KCNIP4: variants seen among roughly 807,000 people sequenced by gnomAD.
KCNIP4 encodes Kv channel-interacting protein 4.
In KCNIP4, 12 loss-of-function variants were observed where a neutral mutation model predicts 34.0. The observed-to-expected ratio is 0.35, with a 90% confidence interval of 0.23 to 0.57. The LOEUF is 0.57. Among genes scored for constraint, KCNIP4 ranks in the 20% least tolerant of loss-of-function variants. KCNIP4 has a pLI of 0.83. For missense variants in KCNIP4, 238 were observed against 311.7 expected (o/e 0.76, Z 1.78); for synonymous variants, 124 against 102.2 (o/e 1.21, Z -1.29).
intron 1 of KCNIP4, among the ~76,000 whole-genome samples, chr4:21,149,385 G>C (rs893145097): frequency 1.3e-5 from 2 of 152,066 alleles, no homozygotes; most frequent in African/African-American, 4.8e-5. Flanking sequence ...GTGGCTCCTG[G>C]AAAATGAATT....
intron 1 of KCNIP4, among the ~76,000 whole-genome samples, chr4:21,476,417 G>T (rs1730980789): frequency 6.6e-6 from 1 of 152,050 alleles, no homozygotes; most frequent in Middle Eastern, 3.2e-3. Flanking sequence ...ATAAAGATGG[G>T]GCCATAATCT....
chr4:21,501,263 C>T (rs2109889222), intron 1 of KCNIP4, among the ~76,000 whole-genome samples: 1 of 151,766 alleles, frequency 6.6e-6, no homozygotes, highest in East Asian at 2.0e-4. Context: ...CACACACACA[C>T]ACACACACAC....
chr4:21,909,269 C>T (rs899988532), intron 1 of KCNIP4, among the ~76,000 whole-genome samples: 10 of 152,184 alleles, frequency 6.6e-5, no homozygotes, highest in South Asian at 4.2e-4. Context: ...CTTATATTCC[C>T]GTGCCCCTCA....
At chr4:21,793,785 T>C (rs1416274028) in intron 1 of KCNIP4, among the ~76,000 whole-genome samples, 1 of 151,926 alleles carries the variant, frequency 6.6e-6, no homozygotes, top group African/African-American at 2.4e-5. Flanking sequence ...ACCACAGGGG[T>C]ATATACCCAA....
In KCNIP4 at chr4:20,883,392, T is replaced by A. The variant is rs534086051; in HGVS notation, c.62-683A>T. ...AGCTTGTCAAACATTAACCCAGGAA[T>A]AGACGGAGCAGTATGTGTGACAGCA... is the stretch of plus-strand genomic sequence containing the variant. On this transcript the variant is annotated intron_variant, in intron 1 of 8. Coordinates refer to ENST00000382152, the MANE Select transcript of KCNIP4 (RefSeq NM_025221.6). Among the ~76,000 whole-genome samples, 95 of 152,292 alleles carry A rather than the reference T, an allele frequency of 6.2e-4. 4 individuals are homozygous for A. In the South Asian group the frequency reaches 0.019, roughly 31 times the overall value.
At chr4:21,754,051 G>A (rs1257359029) in intron 1 of KCNIP4, among the ~76,000 whole-genome samples, 1 of 152,158 alleles carries the variant, frequency 6.6e-6, no homozygotes, top group Non-Finnish European at 1.5e-5. Context: ...CCTCCTTAGG[G>A]AGCTCGAATT....
chr4:21,400,738 G>A (rs187479481), intron 1 of KCNIP4, among the ~76,000 whole-genome samples: 2 of 152,206 alleles, frequency 1.3e-5, no homozygotes, highest in East Asian at 3.9e-4. Context: ...AATTCTATAA[G>A]GGTTGCATTC....
chr4:21,931,929 C>T lies in KCNIP4; in HGVS notation c.61+16642G>A, dbSNP rs143987519. On this transcript the variant is annotated intron_variant, in intron 1 of 8. Transcript: ENST00000382152. ...AAGTGTTCCTATTTCTCCACATCCT[C>T]TCCTTGTCTTTAGATGCCTGTAGGA... is the stretch of plus-strand genomic sequence containing the variant. Among the ~76,000 whole-genome samples the T allele has an allele frequency of 2.8e-3, 424 of 152,180 alleles. 2 individuals are homozygous for T. The highest frequency in any genetic ancestry group is 5.2e-3 in the Admixed American group (80 of 15,282).
intron 1 of KCNIP4, among the ~76,000 whole-genome samples, chr4:21,422,189 C>T (rs950064190): frequency 6.7e-6 from 1 of 149,630 alleles, no homozygotes; most frequent in African/African-American, 2.4e-5. Flanking sequence ...AAAATTTCTG[C>T]AGCCTACTTT....
chr4:21,844,184 A>G (rs919597072), intron 1 of KCNIP4: 8 of 152,096 alleles, frequency 5.3e-5, no homozygotes, highest in African/African-American at 1.9e-4. Flanking sequence ...GGACACATAT[A>G]CACAAGCAAT....
intron 1 of KCNIP4, among the ~76,000 whole-genome samples, chr4:21,146,883 T>C (rs1372817989): frequency 1.3e-5 from 2 of 152,186 alleles, no homozygotes; most frequent in African/African-American, 4.8e-5. Flanking sequence ...TTTCATTGTT[T>C]CTCATGGTTA....
intron 1 of KCNIP4, among the ~76,000 whole-genome samples, chr4:21,167,992 C>G (rs1219632784): frequency 6.6e-6 from 1 of 152,166 alleles, no homozygotes; most frequent in African/African-American, 2.4e-5. Context: ...ATCAAAGTGT[C>G]CTATCACTCT....
intron 1 of KCNIP4, among the ~76,000 whole-genome samples, chr4:20,946,381 C>T (rs1367048910): frequency 1.3e-5 from 2 of 152,056 alleles, no homozygotes; most frequent in East Asian, 1.9e-4. Flanking sequence ...TGGGGAGTTT[C>T]GAGAAACAGA....
chr4:21,731,141 C>A, intron 1 of KCNIP4, among the ~76,000 whole-genome samples: 1 of 150,252 alleles, frequency 6.7e-6, no homozygotes, highest in South Asian at 2.1e-4. Context: ...TCCATTGTGA[C>A]AATAGACATT....
chr4:21,503,196 C>A lies in KCNIP4; in HGVS notation c.61+445375G>T, dbSNP rs557900838. Among the ~76,000 whole-genome samples, 53 of 152,262 alleles carry A rather than the reference C, an allele frequency of 3.5e-4. 1 individual carries two copies. In the South Asian group the frequency reaches 0.011, roughly 31 times the overall value. ...ATGAAAACTGAGCTATAATTTTACA[C>A]CTATCATCTTGCTAAAAACTAGTCT... On this transcript the variant is annotated intron_variant, in intron 1 of 8. Coordinates refer to ENST00000382152, the MANE Select transcript of KCNIP4 (RefSeq NM_025221.6).
At chr4:20,961,190 T>C (rs1733816835) in intron 1 of KCNIP4, among the ~76,000 whole-genome samples, 1 of 152,176 alleles carries the variant, frequency 6.6e-6, no homozygotes, top group Non-Finnish European at 1.5e-5. Flanking sequence ...TCAAAAATAA[T>C]ATGCAAGGCA....
In KCNIP4 at chr4:21,537,703, C is replaced by G. The variant is rs573038336; in HGVS notation, c.61+410868G>C. ...CCCTGAACCCAATCTGACTTGTGTC[C>G]TTATCATCCTTACAAGAAGAGGGAA... On this transcript the variant is annotated intron_variant, in intron 1 of 8. Coordinates refer to ENST00000382152, the MANE Select transcript of KCNIP4 (RefSeq NM_025221.6). 6.3e-4 allele frequency among the ~76,000 whole-genome samples: 96 copies of G among 152,048 alleles called. 2 individuals carry two copies. Among genetic ancestry groups the G allele is most frequent in the African/African-American group, 2.2e-3 (93 of 41,458 alleles).
At chr4:20,797,717 T>C (rs559744190) in intron 3 of KCNIP4, among the ~76,000 whole-genome samples, 1 of 152,148 alleles carries the variant, frequency 6.6e-6, no homozygotes, top group African/African-American at 2.4e-5. Context: ...GCAAGGAAAG[T>C]GTGCAGTACT....
At position 21,837,539 on chromosome 4, in the gene KCNIP4, A is replaced by AAAAAAAG. The variant is rs1723415290; in HGVS notation, c.61+111031_61+111032insCTTTTTT. Among the ~76,000 whole-genome samples the AAAAAAAG allele has an allele frequency of 2.1e-5, 3 of 145,310 alleles. 1 individual carries two copies. Among genetic ancestry groups the AAAAAAAG allele is most frequent in the Non-Finnish European group, 4.6e-5 (3 of 65,906 alleles). Reference sequence around the variant, plus strand: ...ACAAGAGCAAAACGCTGTCAAAAAAAAAAAAAAAGAAAAAGAAAAAGAAAG... The same window carrying AAAAAAAG: ...ACAAGAGCAAAACGCTGTCAAAAAAAAAAAAAGAAAAAAAAGAAAAAGAAAAAGAAAG... On this transcript the variant is annotated intron_variant, in intron 1 of 8. Transcript: ENST00000382152.
Sources: allele counts gnomAD v4.1 joint callset (sites outside exome capture counted in the v4.1 genomes callset), GRCh38; gene constraint gnomAD v4.1.1; transcripts MANE v1.5; gene names NCBI Gene and HGNC (gene_info 2026-07-23, HGNC 2026-07-21).